The following TEKT5 variants were observed in gnomAD, a reference collection of about 807,000 sequenced individuals.
TEKT5 encodes tektin 5.
TEKT5 carries 52 observed loss-of-function variants against 48.7 expected under a neutral mutation model. The ratio of observed to expected loss-of-function variants is 1.07; its 90% CI spans 0.86 to 1.35. The LOEUF (loss-of-function observed/expected upper bound fraction) is 1.35, where lower values mean the gene tolerates loss of function less well. Among genes scored for constraint, TEKT5 ranks in the 40% most tolerant of loss-of-function variants. TEKT5 has a pLI of 0.00. For synonymous variants in TEKT5, 318 were observed against 267.6 expected (o/e 1.19, Z -1.84); for missense variants, 831 against 641.6 (o/e 1.30, Z -3.19).
At chr16:10,662,992 C>T (rs527322993) in intron 5 of TEKT5, among the ~76,000 whole-genome samples, 3 of 152,324 alleles carry the variant, frequency 2.0e-5, no homozygotes, top group Admixed American at 6.5e-5. Flanking sequence ...TGATCACCCA[C>T]TCTCACCCCC....
At chr16:10,645,481 A>G (rs1487872070) in intron 5 of TEKT5, among the ~76,000 whole-genome samples, 3 of 152,182 alleles carry the variant, frequency 2.0e-5, no homozygotes, top group African/African-American at 7.2e-5. Flanking sequence ...ACTGCACTCC[A>G]GCCTGGGCAG....
chr16:10,658,117 T>C (rs1290725357), intron 5 of TEKT5, among the ~76,000 whole-genome samples: 3 of 152,184 alleles, frequency 2.0e-5, no homozygotes, highest in Non-Finnish European at 2.9e-5. Context: ...GAGATGACAA[T>C]TCTAAGTGTT....
chr16:10,691,993 G>C (rs1288072641), intron 1 of TEKT5, among the ~76,000 whole-genome samples: 1 of 151,824 alleles, frequency 6.6e-6, no homozygotes, highest in African/African-American at 2.4e-5. Flanking sequence ...GGCCATCAAG[G>C]GAACCAGTGG....
intron 6 of TEKT5, among the ~76,000 whole-genome samples, chr16:10,632,013 T>TG (rs35882447): frequency 0.045 from 6,788 of 152,262 alleles, 311 homozygotes; most frequent in East Asian, 0.24. Flanking sequence ...GTCCCACCTC[T>TG]GGGGAGAAGA....
chr16:10,656,747 T>G (rs1324916421), intron 5 of TEKT5, among the ~76,000 whole-genome samples: 22 of 152,230 alleles, frequency 1.4e-4, no homozygotes, highest in Admixed American at 1.4e-3. Context: ...AACTACTTTT[T>G]GTTTTGTTTT....
intron 5 of TEKT5, among the ~76,000 whole-genome samples, chr16:10,640,421 G>A (rs77161551): frequency 0.022 from 3,415 of 152,222 alleles, 134 homozygotes; most frequent in African/African-American, 0.079. Context: ...TGGTCTGTAC[G>A]TGACTTTTTA....
intron 5 of TEKT5, among the ~76,000 whole-genome samples, chr16:10,654,869 CAG>C (rs1228419155): frequency 6.6e-6 from 1 of 150,528 alleles, no homozygotes; most frequent in Non-Finnish European, 1.5e-5. Flanking sequence ...ACCCTTAAAA[CAG>C]TGTGTAAATT....
intron 4 of TEKT5, among the ~76,000 whole-genome samples, chr16:10,678,834 G>C (rs1022084291): frequency 4.5e-4 from 69 of 152,160 alleles, no homozygotes; most frequent in African/African-American, 1.6e-3. Flanking sequence ...ATTCTCCCTG[G>C]GGAGGAATTT....
chr16:10,688,701 T>G (rs1898909763), intron 3 of TEKT5, among the ~76,000 whole-genome samples: 1 of 152,152 alleles, frequency 6.6e-6, no homozygotes, highest in Admixed American at 6.5e-5. Flanking sequence ...TCCCTTTAAT[T>G]ATGTGAGGGG....
At chr16:10,689,360 A>G in intron 2 of TEKT5, 37 bp from the exon 3 acceptor site, 1 of 1,537,574 alleles carries the variant, frequency 6.5e-7, no homozygotes. Context: ...AGTGCCTCTT[A>G]GAACCTCACA....
intron 6 of TEKT5, among the ~76,000 whole-genome samples, chr16:10,635,182 C>A: frequency 8.0e-6 from 1 of 124,472 alleles, no homozygotes; most frequent in African/African-American, 2.9e-5. Context: ...CCCCACCCCC[C>A]ACCCCCCACA....
chr16:10,655,094 T>C (rs1048904120), intron 5 of TEKT5, among the ~76,000 whole-genome samples: 3 of 152,028 alleles, frequency 2.0e-5, no homozygotes, highest in African/African-American at 7.2e-5. Context: ...GAGAGACTTA[T>C]TGCTGGAGAA....
intron 5 of TEKT5, among the ~76,000 whole-genome samples, chr16:10,672,828 G>A (rs563660590): frequency 5.5e-4 from 83 of 152,036 alleles, no homozygotes; most frequent in African/African-American, 1.9e-3. Context: ...CAATCCTCAC[G>A]GCAGTTATTT....
chr16:10,667,909 G>A (rs1193278455), intron 5 of TEKT5, among the ~76,000 whole-genome samples: 2 of 149,716 alleles, frequency 1.3e-5, no homozygotes, highest in East Asian at 1.9e-4. Flanking sequence ...ATGGAGACTC[G>A]CTCTGTCGCC....
intron 5 of TEKT5, among the ~76,000 whole-genome samples, chr16:10,654,042 G>A (rs1246021700): frequency 6.6e-6 from 1 of 151,580 alleles, no homozygotes; most frequent in Non-Finnish European, 1.5e-5. Flanking sequence ...ACATGTGTGT[G>A]TGTGGTGGCT....
rs74745050 is a variant in TEKT5, at chr16:10,661,277, A to G, written c.1086+14682T>C. On this transcript the variant is annotated intron_variant, in intron 5 of 6. Transcript: ENST00000283025. The stretch of plus-strand genomic sequence containing the variant: ...ACAATCCCCCAAAGCTGTCCATCTC[A>G]TGTAAGTCTGCTGCTCCTCTGGGGT... 0.014 allele frequency among the ~76,000 whole-genome samples: 2,195 copies of G among 152,218 alleles called. 128 individuals are homozygous for G. In the East Asian group the frequency reaches 0.17, roughly 12 times the overall value.
Position 10,682,052 on chromosome 16 carries a change from G to A in TEKT5, c.804C>T (p.Asn268=), listed in dbSNP as rs1366284430. Residue 268 remains asparagine (N), a synonymous_variant, in exon 4 of 7, where the codon AAC becomes AAT. Transcript: ENST00000283025. The part of the protein sequence containing the change: ...SAQCIDEKCF[N]LRNTSDCISF... ...TGATGCAGTCTGACGTATTTCTCAG[G>A]TTAAAGCACTTCTCATCGATACACT... 1 of 1,614,158 alleles carries A rather than the reference G, an allele frequency of 6.2e-7. No individual in the cohort carries two copies. Among genetic ancestry groups the A allele is most frequent in the Non-Finnish European group, 8.5e-7 (1 of 1,180,030 alleles).
intron 5 of TEKT5, among the ~76,000 whole-genome samples, chr16:10,652,396 AACAC>A (rs1279915395): frequency 7.2e-6 from 1 of 138,946 alleles, no homozygotes; most frequent in Non-Finnish European, 1.5e-5. Context: ...CTCAGGCAAA[AACAC>A]ACACACACAC....
intron 5 of TEKT5, among the ~76,000 whole-genome samples, chr16:10,644,505 G>A (rs1222965841): frequency 6.6e-6 from 1 of 152,146 alleles, no homozygotes; most frequent in Non-Finnish European, 1.5e-5. Flanking sequence ...CACCTCCAAA[G>A]AAAGAGCTTC....
Sources: gnomAD v4.1 joint callset for allele counts (sites outside exome capture counted in the v4.1 genomes callset) on GRCh38, gnomAD v4.1.1 for gene constraint, MANE v1.5 for transcripts, NCBI Gene and HGNC (gene_info 2026-07-23, HGNC 2026-07-21) for gene names.